The following PGCKA1 variants were observed in gnomAD, a reference collection of about 807,000 sequenced individuals.
PGCKA1 encodes PDCD10 and GCKIII kinases-associated protein 1.
chr4:37,511,528 G>A, the PGCKA1 span, among the ~76,000 whole-genome samples: 4 of 152,110 alleles, frequency 2.6e-5, no homozygotes, highest in Non-Finnish European at 5.9e-5. Flanking sequence ...GGAGCCTCAC[G>A]ACTATGACCA....
chr4:37,543,782 C>A, the PGCKA1 span, among the ~76,000 whole-genome samples: 1 of 151,412 alleles, frequency 6.6e-6, no homozygotes, highest in Non-Finnish European at 1.5e-5. Flanking sequence ...TGCAGTGAGC[C>A]GAGATAGCGC....
chr4:37,455,147 C>G, the PGCKA1 span, among the ~76,000 whole-genome samples: 2 of 152,066 alleles, frequency 1.3e-5, no homozygotes, highest in Non-Finnish European at 2.9e-5. Context: ...AAATGGAAAG[C>G]GGTTACTGCT....
At chr4:37,453,754 A>G in the PGCKA1 span, among the ~76,000 whole-genome samples, 1 of 151,670 alleles carries the variant, frequency 6.6e-6, no homozygotes, top group Non-Finnish European at 1.5e-5. Context: ...CGGGACTGCC[A>G]CCCCGGCCCC....
At chr4:37,508,886 G>T in the PGCKA1 span, among the ~76,000 whole-genome samples, 537 of 127,900 alleles carry the variant, frequency 4.2e-3, no homozygotes, top group African/African-American at 7.2e-3. Context: ...TGACTCTTAA[G>T]GAGCATGCTG....
chr4:37,580,871 A>G, the PGCKA1 span, among the ~76,000 whole-genome samples: 9 of 152,166 alleles, frequency 5.9e-5, no homozygotes, highest in Non-Finnish European at 1.2e-4. Context: ...CCTAAGTGGG[A>G]GCTAGGGACT....
At chr4:37,576,992 T>C in the PGCKA1 span, among the ~76,000 whole-genome samples, 1 of 152,212 alleles carries the variant, frequency 6.6e-6, no homozygotes, top group Non-Finnish European at 1.5e-5. Flanking sequence ...GCTAGTATTT[T>C]ATTTAGGATT....
the PGCKA1 span, among the ~76,000 whole-genome samples, chr4:37,474,207 G>T: frequency 6.6e-6 from 1 of 152,142 alleles, no homozygotes; most frequent in Non-Finnish European, 1.5e-5. Context: ...GTGGGTTCCT[G>T]ATAAAAGGAA....
the PGCKA1 span, among the ~76,000 whole-genome samples, chr4:37,530,036 G>C: frequency 6.6e-6 from 1 of 152,070 alleles, no homozygotes; most frequent in Non-Finnish European, 1.5e-5. Flanking sequence ...AAAAAGGCCT[G>C]GAATCCCAAA....
chr4:37,495,140 C>T, the PGCKA1 span, among the ~76,000 whole-genome samples: 4 of 152,066 alleles, frequency 2.6e-5, no homozygotes, highest in African/African-American at 9.7e-5. Flanking sequence ...AGCTCATCGT[C>T]ACTGGTCATT....
chr4:37,521,403 A>G, the PGCKA1 span, among the ~76,000 whole-genome samples: 1 of 152,176 alleles, frequency 6.6e-6, no homozygotes, highest in Non-Finnish European at 1.5e-5. Flanking sequence ...CATTTGTTTC[A>G]AGAAATTTTT....
chr4:37,494,744 A>C, the PGCKA1 span, among the ~76,000 whole-genome samples: 1 of 152,186 alleles, frequency 6.6e-6, no homozygotes, highest in South Asian at 2.1e-4. Flanking sequence ...TCCTATCAAC[A>C]GTGTATAAGC....
chr4:37,543,765 C>G, the PGCKA1 span, among the ~76,000 whole-genome samples: 106 of 151,550 alleles, frequency 7.0e-4, 1 homozygote, highest in African/African-American at 2.2e-3. Flanking sequence ...ACCCAGGAGG[C>G]AGAGCTTGCA....
chr4:37,489,195 G>A, the PGCKA1 span, among the ~76,000 whole-genome samples: 1 of 152,162 alleles, frequency 6.6e-6, no homozygotes, highest in Non-Finnish European at 1.5e-5. Context: ...GATGTCTGTA[G>A]TTAACAATAC....
At chr4:37,556,127 G>A in the PGCKA1 span, among the ~76,000 whole-genome samples, 2 of 152,282 alleles carry the variant, frequency 1.3e-5, no homozygotes, top group Admixed American at 1.3e-4. Flanking sequence ...TAGGAATTCA[G>A]AATTCTTTGT....
At chr4:37,590,446 C>T in the PGCKA1 span, 3 of 1,610,664 alleles carry the variant, frequency 1.9e-6, no homozygotes, top group Non-Finnish European at 2.5e-6. Context: ...AAATACTGTT[C>T]CCCCAACTCA....
chr4:37,526,460 G>T, the PGCKA1 span, among the ~76,000 whole-genome samples: 2 of 152,272 alleles, frequency 1.3e-5, no homozygotes, highest in African/African-American at 4.8e-5. Context: ...GATGGAAATG[G>T]TATATTTTGT....
the PGCKA1 span, among the ~76,000 whole-genome samples, chr4:37,516,551 T>A: frequency 2.6e-5 from 4 of 152,190 alleles, no homozygotes; most frequent in Non-Finnish European, 5.9e-5. Context: ...TCTCACTCCC[T>A]CACTGTTTCA....
chr4:37,501,765 C>A, the PGCKA1 span, among the ~76,000 whole-genome samples: 1 of 152,272 alleles, frequency 6.6e-6, no homozygotes, highest in African/African-American at 2.4e-5. Flanking sequence ...GTCATTTCAG[C>A]CATCTCAGCC....
chr4:37,455,907 C>T, the PGCKA1 span, among the ~76,000 whole-genome samples: 4 of 152,224 alleles, frequency 2.6e-5, no homozygotes, highest in African/African-American at 9.6e-5. Flanking sequence ...TAATTGAATA[C>T]CAGCCTTCCA....
Sources: allele counts gnomAD v4.1 joint callset (sites outside exome capture counted in the v4.1 genomes callset), GRCh38; gene constraint gnomAD v4.1.1; transcripts MANE v1.5; gene names NCBI Gene and HGNC (gene_info 2026-07-23, HGNC 2026-07-21).